FCHO1: variants seen among roughly 807,000 people sequenced by gnomAD.
The protein encoded by FCHO1 is F-BAR domain only protein 1.
In FCHO1, 45 loss-of-function variants were observed where a neutral mutation model predicts 114.4. That is an observed-to-expected ratio of 0.39 (90% CI 0.31 to 0.50). The LOEUF is 0.50. Among genes scored for constraint, FCHO1 ranks in the 20% least tolerant of loss-of-function variants. FCHO1 has a pLI of 0.77. For synonymous variants in FCHO1, 480 were observed against 488.9 expected (o/e 0.98, Z 0.24); for missense variants, 1,042 against 1,209.6 (o/e 0.86, Z 2.06).
chr19:17,784,316 G>C lies in FCHO1; in HGVS notation c.2226+81G>C. On this transcript the variant is annotated intron_variant, in intron 25 of 28. Coordinates refer to ENST00000596536, the MANE Select transcript of FCHO1 (RefSeq NM_015122.3). The surrounding 1 kb of genome is among the most constrained non-coding windows in gnomAD (Gnocchi z 5.3). ...CGGCAGCAGACATGGAGGCGCCTGC[G>C]TGTTGGCCAGGCTGGTCTCGAATTC... 1 of 1,501,144 alleles carries C rather than the reference G, an allele frequency of 6.7e-7. No homozygotes were observed. Among genetic ancestry groups the C allele is most frequent in the Non-Finnish European group, 9.0e-7 (1 of 1,114,186 alleles). 93.0% of individuals were successfully genotyped at this position (1,501,144 alleles called of 1,614,324 possible).
chr19:17,769,580 AACACACACACACACACACACACAC>A (rs71162199), intron 7 of FCHO1, among the ~76,000 whole-genome samples: 2,012 of 144,170 alleles, frequency 0.014, 20 homozygotes, highest in Non-Finnish European at 0.022. Flanking sequence ...CTTCGTCTCA[AACACACACACACACACACACACAC>A]ACACACACAC....
chr19:17,785,800 C>CTCCATGCCACTGCACTGTTG (rs1393996168), intron 26 of FCHO1, among the ~76,000 whole-genome samples: 1 of 148,594 alleles, frequency 6.7e-6, no homozygotes, highest in African/African-American at 2.5e-5. Flanking sequence ...TGCCACTGCA[C>CTCCATGCCACTGCACTGTTG]TCCAGCCTGG....
At chr19:17,783,984 G>A (rs2093654038) in intron 24 of FCHO1, 119 bp from the exon 25 acceptor site, 1 of 1,275,526 alleles carries the variant, frequency 7.8e-7, no homozygotes. Context: ...CCCAGGTAGG[G>A]CTTTGCTGGG....
At chr19:17,781,987 CTTTTTTTTTTTTTTTT>C (rs67498129) in intron 23 of FCHO1, among the ~76,000 whole-genome samples, 167 bp downstream of exon 23, 96,506 of 128,960 alleles carry the variant, frequency 0.75, 34,759 homozygotes, top group Middle Eastern at 0.89. Flanking sequence ...ATAGGAGGGC[CTTTTTTTTTTTTTTTT>C]TTTTTTTTTT....
At chr19:17,778,448 G>A (rs2092929986) in intron 19 of FCHO1, 161 bp from the exon 20 acceptor site, 2 of 872,448 alleles carry the variant, frequency 2.3e-6, no homozygotes, top group Non-Finnish European at 3.4e-6. Flanking sequence ...GACATTTGTG[G>A]AGAGGGAAGT....
At position 17,784,841 on chromosome 19, in the gene FCHO1, G is replaced by A. The variant is rs1157527013; in HGVS notation, c.2343G>A (p.Val781=). The change falls in exon 26 of 29, where the codon GTG becomes GTA. Residue 781 remains valine, a synonymous_variant. Coordinates refer to ENST00000596536, the MANE Select transcript of FCHO1 (RefSeq NM_015122.3). This position sits in a 1 kb window ranked among gnomAD's most constrained non-coding sequence, Gnocchi z 5.3. ...EYGYRPGATA[V]PTPLTNVQIL... Reference sequence around the variant, plus strand: ...GCTACCGGCCCGGTGCCACGGCTGTGCCCACACCACTCACGAACGTCCAGA... The same window carrying A: ...GCTACCGGCCCGGTGCCACGGCTGTACCCACACCACTCACGAACGTCCAGA... 9 of 1,613,918 alleles carry A rather than the reference G, an allele frequency of 5.6e-6. No homozygotes were observed. The highest frequency in any genetic ancestry group is 1.7e-4 in the Middle Eastern group (1 of 6,060).
chr19:17,763,704 TG>T (rs2087463830), intron 5 of FCHO1, among the ~76,000 whole-genome samples: 1 of 151,464 alleles, frequency 6.6e-6, no homozygotes, highest in Non-Finnish European at 1.5e-5. Context: ...ACTACAGGCA[TG>T]CACCACCACA....
intron 23 of FCHO1, among the ~76,000 whole-genome samples, 198 bp from the exon 24 acceptor site, chr19:17,782,819 C>T (rs1404784007): frequency 1.3e-5 from 2 of 152,086 alleles, no homozygotes; most frequent in Non-Finnish European, 2.9e-5. Context: ...CTGCCTCCTT[C>T]AGCCCAGGGT....
rs149040769 is a variant in FCHO1 at position 17,783,317 on chromosome 19, A to C, written c.2093+145A>C. On this transcript the variant is annotated intron_variant, in intron 24 of 28. Transcript: ENST00000596536. The stretch of plus-strand genomic sequence containing the variant: ...AGTCTTGCTCTGTCGCCCAGGCTGG[A>C]GTGCAATGGCGTCATCTCGGCTCAC... 3.2e-5 allele frequency: 28 copies of C among 864,192 alleles called. No homozygotes were observed. The East Asian group carries it at 7.4e-4, about 23-fold the overall frequency. The allele number at this position is 864,192 out of a possible 1,614,324, so 53.5% of individuals were successfully genotyped here. A position where few individuals can be genotyped will look rare whatever the true frequency, so the allele number is the denominator to read the frequency against.
chr19:17,772,216 G>A (rs534960213), intron 9 of FCHO1, among the ~76,000 whole-genome samples: 24 of 152,272 alleles, frequency 1.6e-4, no homozygotes, highest in African/African-American at 5.3e-4. Context: ...GCATGCACAT[G>A]TGTGCATCAA....
At chr19:17,773,171 A>G (rs2092004087) in intron 11 of FCHO1, among the ~76,000 whole-genome samples, 1 of 152,236 alleles carries the variant, frequency 6.6e-6, no homozygotes, top group Non-Finnish European at 1.5e-5. Context: ...AGGACTGGGA[A>G]GGAGTTAAGA....
At chr19:17,781,050 G>A (rs1599758666) in intron 20 of FCHO1, among the ~76,000 whole-genome samples, 181 bp from the exon 21 acceptor site, 1 of 152,206 alleles carries the variant, frequency 6.6e-6, no homozygotes, top group African/African-American at 2.4e-5. Context: ...GGAGGGTTGG[G>A]GGTGTGGACA....
chr19:17,763,053 G>A (rs894247103), intron 5 of FCHO1, among the ~76,000 whole-genome samples, 200 bp downstream of exon 5: 15 of 152,064 alleles, frequency 9.9e-5, no homozygotes, highest in Admixed American at 3.9e-4. Flanking sequence ...ACCTGATTTC[G>A]AAAGCTCCCC....
intron 22 of FCHO1, 35 bp downstream of exon 22, chr19:17,781,574 C>T: frequency 6.2e-7 from 1 of 1,607,140 alleles, no homozygotes. Context: ...GGCTTTGGGC[C>T]TCAGTGTCAC....
intron 4 of FCHO1, among the ~76,000 whole-genome samples, chr19:17,760,055 T>G (rs2085446767): frequency 6.6e-6 from 1 of 151,986 alleles, no homozygotes; most frequent in Non-Finnish European, 1.5e-5. Flanking sequence ...ATCTTTTTTT[T>G]TTTTTTTGCA....
Position 17,784,061 on chromosome 19 carries a change from G to T in FCHO1, c.2094-42G>T. ...ATTGAATGCTGGGAGCCCTGGGAGG[G>T]CATGTCCCGAGGATTGGGGTGATCA... On this transcript the variant is annotated intron_variant, in intron 24 of 28. Coordinates refer to ENST00000596536, the MANE Select transcript of FCHO1 (RefSeq NM_015122.3). This position sits in a 1 kb window ranked among gnomAD's most constrained non-coding sequence, Gnocchi z 5.3. 6.3e-7 allele frequency: 1 copy of T among 1,588,628 alleles called. No individual in the cohort carries two copies. The highest frequency in any genetic ancestry group is 2.3e-5 in the East Asian group (1 of 44,168).
At chr19:17,759,766 A>G (rs1406725418) in intron 4 of FCHO1, among the ~76,000 whole-genome samples, 1 of 151,740 alleles carries the variant, frequency 6.6e-6, no homozygotes. Flanking sequence ...AACCCTGTCT[A>G]TACTAAAAAT....
intron 27 of FCHO1, 58 bp from the exon 28 acceptor site, chr19:17,787,624 G>A: frequency 6.7e-7 from 1 of 1,499,194 alleles, no homozygotes; most frequent in Non-Finnish European, 8.9e-7. Flanking sequence ...AGATGAGCCT[G>A]GTTCACAGCT....
At chr19:17,763,510 C>T (rs1215542012) in intron 5 of FCHO1, among the ~76,000 whole-genome samples, 2 of 151,278 alleles carry the variant, frequency 1.3e-5, no homozygotes, top group East Asian at 1.9e-4. Flanking sequence ...GCGATCCGCC[C>T]GCCTCAGCCT....
Sources: allele counts gnomAD v4.1 joint callset (sites outside exome capture counted in the v4.1 genomes callset), GRCh38; gene constraint gnomAD v4.1.1; non-coding constraint Gnocchi (gnomAD v3.1); transcripts MANE v1.5; gene names NCBI Gene and HGNC (gene_info 2026-07-23, HGNC 2026-07-21).